Variants in RASSF5 observed in about 807,000 individuals in gnomAD.
The protein encoded by RASSF5 is Ras association domain family member 5.
RASSF5 carries 25 observed loss-of-function variants against 40.5 expected under a neutral mutation model. The observed-to-expected ratio is 0.62, with a 90% CI of 0.45 to 0.86. The LOEUF is 0.86. RASSF5 is among the 40% of genes least tolerant of loss of function. The probability of loss-of-function intolerance (pLI) is 0.00; values close to 1 mark genes in which losing one functional copy is unlikely to be tolerated. For synonymous variants in RASSF5, 246 were observed against 252.4 expected, an observed-to-expected ratio of 0.97 and a Z score of 0.24; for missense variants, 521 against 572.8, an observed-to-expected ratio of 0.91 and a Z score of 0.92.
intron 2 of RASSF5, chr1:206,572,739 A>G (rs1403773558): frequency 1.1e-4 from 17 of 152,268 alleles, no homozygotes; most frequent in African/African-American, 3.9e-4. Context: ...TTTAGGTTGA[A>G]GAAAGTGTTT....
At chr1:206,554,181 A>G (rs146133902) in intron 2 of RASSF5, among the ~76,000 whole-genome samples, 1 of 152,282 alleles carries the variant, frequency 6.6e-6, no homozygotes, top group Non-Finnish European at 1.5e-5. Flanking sequence ...TAAGGTCATA[A>G]GGCCCTAAAT....
intron 2 of RASSF5, chr1:206,542,684 G>A (rs2103526608): frequency 6.6e-6 from 1 of 152,114 alleles, no homozygotes; most frequent in South Asian, 2.1e-4. Flanking sequence ...CCCCACTCAG[G>A]ACTCAGGCCC....
chr1:206,580,517 C>A (rs1668829323), intron 2 of RASSF5, among the ~76,000 whole-genome samples: 1 of 152,134 alleles, frequency 6.6e-6, no homozygotes, highest in Admixed American at 6.5e-5. Context: ...CAGGGTCAGG[C>A]ACATCTGGTC....
chr1:206,567,826 T>C (rs1379651615), intron 2 of RASSF5, among the ~76,000 whole-genome samples: 1 of 152,142 alleles, frequency 6.6e-6, no homozygotes, highest in African/African-American at 2.4e-5. Context: ...AGGGACTGTC[T>C]TAGGTGCTTT....
intron 2 of RASSF5, chr1:206,544,142 T>C (rs1174911627): frequency 6.6e-6 from 1 of 152,174 alleles, no homozygotes; most frequent in African/African-American, 2.4e-5. Context: ...TAATCCAGAT[T>C]GTGTAGACGA....
At chr1:206,565,095 A>C (rs1668249021) in intron 2 of RASSF5, among the ~76,000 whole-genome samples, 1 of 151,828 alleles carries the variant, frequency 6.6e-6, no homozygotes, top group Admixed American at 6.6e-5. Context: ...TCCAGAACCA[A>C]CTCATAACTC....
At chr1:206,525,278 G>A (rs140582872) in intron 1 of RASSF5, among the ~76,000 whole-genome samples, 2,366 of 151,808 alleles carry the variant, frequency 0.016, 30 homozygotes, top group Middle Eastern at 0.044. Context: ...CAACCAGGGC[G>A]CCCAACTTCT....
At chr1:206,517,697 A>T (rs2103504282) in intron 1 of RASSF5, among the ~76,000 whole-genome samples, 1 of 152,348 alleles carries the variant, frequency 6.6e-6, no homozygotes, top group Non-Finnish European at 1.5e-5. Flanking sequence ...TCTGGGAGTC[A>T]GAGTGAGAGA....
intron 2 of RASSF5, chr1:206,544,227 C>T (rs985436399): frequency 6.6e-6 from 1 of 151,828 alleles, no homozygotes; most frequent in Non-Finnish European, 1.5e-5. Flanking sequence ...GAAATGGGAC[C>T]CTGTGAGGCT....
intron 2 of RASSF5, among the ~76,000 whole-genome samples, chr1:206,571,717 G>C (rs1553404213): frequency 6.6e-6 from 1 of 152,230 alleles, no homozygotes; most frequent in Non-Finnish European, 1.5e-5. Context: ...AATTCTGTCA[G>C]ATGTAGAGAA....
Position 206,584,609 on chromosome 1 carries a change from C to T in RASSF5, c.913C>T (p.Leu305=), listed in dbSNP as rs782460902. 1 of 1,614,126 alleles carries T rather than the reference C, an allele frequency of 6.2e-7. No individual in the cohort carries two copies. The highest frequency in any genetic ancestry group is 1.3e-5 in the African/African-American group (1 of 74,936). The change falls in exon 4 of 6, where the codon CTG becomes TTG. Residue 305 remains leucine (L), a synonymous_variant. Coordinates refer to ENST00000579436, the MANE Select transcript of RASSF5 (RefSeq NM_182663.4). This position sits in a 1 kb window ranked among gnomAD's most constrained non-coding sequence, Gnocchi z 4.9. ...TTTVSEVIQG[L]LKKFMVVDNP... Reference sequence around the variant, plus strand: ...CACCGTCAGTGAGGTCATCCAGGGGCTGCTCAAGAAGTTCATGGTTGTGGA... The same window carrying T: ...CACCGTCAGTGAGGTCATCCAGGGGTTGCTCAAGAAGTTCATGGTTGTGGA...
chr1:206,574,190 C>T (rs1225285415), intron 2 of RASSF5, among the ~76,000 whole-genome samples: 8 of 152,314 alleles, frequency 5.3e-5, no homozygotes, highest in South Asian at 2.1e-4. Context: ...CAGGGGACCC[C>T]GTGTCCAGAC....
chr1:206,583,271 T>C lies in RASSF5; in HGVS notation c.582T>C (p.Asn194=). The change falls in exon 3 of 6, where the codon AAT becomes AAC. Residue 194 remains asparagine, a splice_region_variant and synonymous_variant. Transcript: ENST00000579436. Reference sequence around the variant, plus strand: ...CTCCACTTCTGTGTCTCTTCCAGAATGTCTGTAAACCTGTGGAGGAGACAC... The same window carrying C: ...CTCCACTTCTGTGTCTCTTCCAGAACGTCTGTAAACCTGTGGAGGAGACAC... ...ESTLTVTFSQ[N]VCKPVEETQR... 6.2e-7 allele frequency: 1 copy of C among 1,606,436 alleles called. No homozygotes were observed. Among genetic ancestry groups the C allele is most frequent in the Non-Finnish European group, 8.5e-7 (1 of 1,173,144 alleles).
intron 1 of RASSF5, among the ~76,000 whole-genome samples, chr1:206,525,277 C>T (rs939518849): frequency 3.3e-5 from 5 of 152,104 alleles, no homozygotes; most frequent in East Asian, 3.9e-4. Flanking sequence ...CCAACCAGGG[C>T]GCCCAACTTC....
In RASSF5 at chr1:206,552,919, T is replaced by G. The variant is rs551169916; in HGVS notation, c.579+14626T>G. 8.5e-5 allele frequency among the ~76,000 whole-genome samples: 13 copies of G among 152,262 alleles called. No individual in the cohort carries two copies. In the East Asian group the frequency reaches 2.5e-3, roughly 29 times the overall value. On this transcript the variant is annotated intron_variant, in intron 2 of 5. Coordinates refer to ENST00000579436, the MANE Select transcript of RASSF5 (RefSeq NM_182663.4). The surrounding 1 kb of genome is among the most constrained non-coding windows in gnomAD (Gnocchi z 4.1). ...GTGCTTGCCTGAAGAAAGTGCTCAG[T>G]AAGGCTGGGCGCGGTGGCTCACACC...
chr1:206,546,353 C>T (rs2103529888), intron 2 of RASSF5, among the ~76,000 whole-genome samples: 1 of 152,080 alleles, frequency 6.6e-6, no homozygotes, highest in African/African-American at 2.4e-5. Context: ...TCAAGTGATC[C>T]TCCCACCTCA....
At chr1:206,558,129 TC>T (rs1242340946) in intron 2 of RASSF5, among the ~76,000 whole-genome samples, 2 of 152,226 alleles carry the variant, frequency 1.3e-5, no homozygotes, top group Non-Finnish European at 2.9e-5. Flanking sequence ...GGTTGGGACT[TC>T]CGTATTTGAA....
chr1:206,563,452 C>G (rs924609955), intron 2 of RASSF5, among the ~76,000 whole-genome samples: 2 of 152,144 alleles, frequency 1.3e-5, no homozygotes, highest in African/African-American at 4.8e-5. Context: ...CCCATCTAAA[C>G]TGGAAATCTC....
chr1:206,567,870 C>T (rs944376374), intron 2 of RASSF5, among the ~76,000 whole-genome samples: 12 of 152,106 alleles, frequency 7.9e-5, no homozygotes, highest in African/African-American at 1.9e-4. Context: ...AACTACCATA[C>T]GAGGTAGGTA....
Sources: gnomAD v4.1 joint callset for allele counts (sites outside exome capture counted in the v4.1 genomes callset) on GRCh38, gnomAD v4.1.1 for gene constraint, Gnocchi (gnomAD v3.1) non-coding constraint, MANE v1.5 for transcripts, NCBI Gene and HGNC (gene_info 2026-07-23, HGNC 2026-07-21) for gene names.